Variants in MAP2K6 observed in about 807,000 individuals in gnomAD.
MAP2K6 encodes the protein mitogen-activated protein kinase kinase 6, also known as dual specificity mitogen-activated protein kinase kinase 6.
In MAP2K6, 16 loss-of-function variants were observed where a neutral mutation model predicts 53.7. The observed-to-expected ratio is 0.30, with a 90% CI of 0.20 to 0.45. The LOEUF (loss-of-function observed/expected upper bound fraction) is 0.45. Among genes scored for constraint, MAP2K6 ranks in the 20% least tolerant of loss-of-function variants. The pLI, the probability that MAP2K6 is intolerant of heterozygous loss-of-function variation, is 1.00. For missense variants in MAP2K6, 204 were observed against 411.9 expected (o/e 0.50, Z 4.37); for synonymous variants, 132 against 143.1 (o/e 0.92, Z 0.55).
At chr17:69,473,722 G>A (rs1028635410) in intron 1 of MAP2K6, among the ~76,000 whole-genome samples, 1 of 152,176 alleles carries the variant, frequency 6.6e-6, no homozygotes, top group Non-Finnish European at 1.5e-5. Context: ...GGCAGTTAAT[G>A]TACATCAATG....
At chr17:69,521,969 C>T (rs1433399167) in intron 7 of MAP2K6, 2 of 152,044 alleles carry the variant, frequency 1.3e-5, no homozygotes, top group South Asian at 2.1e-4. Flanking sequence ...GGTGAAACCC[C>T]GTGTCTACTG....
At chr17:69,418,448 A>G (rs1193584604) in intron 1 of MAP2K6, among the ~76,000 whole-genome samples, 1 of 152,232 alleles carries the variant, frequency 6.6e-6, no homozygotes, top group Non-Finnish European at 1.5e-5. Flanking sequence ...ACCCTTGTTC[A>G]TTATAGAAAC....
chr17:69,466,448 T>C (rs1598275978), intron 1 of MAP2K6, among the ~76,000 whole-genome samples: 2 of 152,350 alleles, frequency 1.3e-5, no homozygotes, highest in South Asian at 4.1e-4. Flanking sequence ...TTTTTACTTT[T>C]ACTATGATCT....
chr17:69,414,919 T>C lies in MAP2K6; in HGVS notation c.-66T>C. On this transcript the variant is annotated 5_prime_UTR_variant, in exon 1 of 12. It removes the in-frame stop codon of an upstream open reading frame in the 5' UTR. Coordinates refer to ENST00000590474, the MANE Select transcript of MAP2K6 (RefSeq NM_002758.4). ...GCAGCTTGCATCTTTGTTGCAAAAC[T>C]AGCTACAGAAGAGAAGCAAGGCAAA... 1 of 1,456,180 alleles carries C rather than the reference T, an allele frequency of 6.9e-7. No individual in the cohort carries two copies. The highest frequency in any genetic ancestry group is 9.6e-7 in the Non-Finnish European group (1 of 1,042,606). The allele number at this position is 1,456,180 out of a possible 1,614,324, so 90.2% of individuals were successfully genotyped here. A position where few individuals can be genotyped will look rare whatever the true frequency, so the allele number is the denominator to read the frequency against.
intron 1 of MAP2K6, among the ~76,000 whole-genome samples, chr17:69,455,032 A>AT (rs1325715753): frequency 3.8e-5 from 2 of 52,214 alleles, no homozygotes; most frequent in African/African-American, 9.1e-5. Context: ...TCTTACTATT[A>AT]TTATTTTTTT....
chr17:69,516,790 GA>G, intron 2 of MAP2K6, 64 bp from the exon 3 acceptor site: 1 of 1,211,010 alleles, frequency 8.3e-7, no homozygotes. Flanking sequence ...AGTGGTGTGT[GA>G]TTTGGGAAGG....
chr17:69,546,753 A>G lies in MAP2K6; in HGVS notation c.*5000A>G, dbSNP rs1442442096. 6.6e-6 allele frequency: 1 copy of G among 152,104 alleles called. No homozygotes were observed. Among genetic ancestry groups the G allele is most frequent in the Admixed American group, 6.6e-5 (1 of 15,262 alleles). 9.4% of individuals were successfully genotyped at this position (152,104 alleles called of 1,614,324 possible). A position where few individuals can be genotyped will look rare whatever the true frequency, so the allele number is the denominator to read the frequency against. ...TGGGATTTTGCCTTAACATCTATCTATGACTTGAAGAGGGATTTGTTGGCT... is the reference window on the plus strand; with the variant it reads ...TGGGATTTTGCCTTAACATCTATCTGTGACTTGAAGAGGGATTTGTTGGCT... On this transcript the variant is annotated 3_prime_UTR_variant, in exon 12 of 12. Transcript: ENST00000590474.
intron 10 of MAP2K6, among the ~76,000 whole-genome samples, chr17:69,527,567 T>G (rs556533255): frequency 3.1e-4 from 47 of 152,270 alleles, no homozygotes; most frequent in African/African-American, 1.1e-3. Flanking sequence ...TCATGGCAAG[T>G]GATGCTGGAA....
chr17:69,458,244 G>T (rs980721419), intron 1 of MAP2K6, among the ~76,000 whole-genome samples: 2 of 152,006 alleles, frequency 1.3e-5, no homozygotes, highest in South Asian at 4.1e-4. Flanking sequence ...GTAGAGATGG[G>T]GTTTCACCAT....
chr17:69,433,474 A>G (rs1055781362), intron 1 of MAP2K6: 1 of 152,116 alleles, frequency 6.6e-6, no homozygotes, highest in African/African-American at 2.4e-5. Context: ...GGAAATCAGG[A>G]CCTCTGTTTA....
intron 1 of MAP2K6, among the ~76,000 whole-genome samples, 156 bp downstream of exon 1, chr17:69,415,156 G>T (rs1905857718): frequency 6.6e-6 from 1 of 152,006 alleles, no homozygotes; most frequent in Non-Finnish European, 1.5e-5. Context: ...TTTTTTTGCA[G>T]ACACAGAGAG....
At chr17:69,485,731 C>G (rs979428836) in intron 1 of MAP2K6, among the ~76,000 whole-genome samples, 1 of 152,174 alleles carries the variant, frequency 6.6e-6, no homozygotes, top group East Asian at 1.9e-4. Context: ...CTGAGGCTAC[C>G]TGTCTCCTGT....
intron 1 of MAP2K6, among the ~76,000 whole-genome samples, chr17:69,415,478 G>T (rs1905869668): frequency 6.6e-6 from 1 of 152,200 alleles, no homozygotes; most frequent in Non-Finnish European, 1.5e-5. Context: ...CCGTTGCGGT[G>T]CCAGTATTTA....
intron 10 of MAP2K6, among the ~76,000 whole-genome samples, chr17:69,535,429 C>T (rs1911305550): frequency 6.6e-6 from 1 of 151,828 alleles, no homozygotes; most frequent in Non-Finnish European, 1.5e-5. Context: ...CCTGCCTCTA[C>T]AAGATACAAA....
chr17:69,498,333 T>A (rs1909023666), intron 1 of MAP2K6, among the ~76,000 whole-genome samples: 1 of 152,174 alleles, frequency 6.6e-6, no homozygotes, highest in Non-Finnish European at 1.5e-5. Context: ...CATAGACATG[T>A]GGTAGACAAG....
intron 11 of MAP2K6, among the ~76,000 whole-genome samples, chr17:69,538,417 C>T (rs182705838): frequency 2.1e-4 from 32 of 152,290 alleles, no homozygotes; most frequent in African/African-American, 7.7e-4. Flanking sequence ...CCCTTTTCTT[C>T]TTACAGCATT....
At chr17:69,458,879 T>C (rs116382470) in intron 1 of MAP2K6, among the ~76,000 whole-genome samples, 1 of 152,330 alleles carries the variant, frequency 6.6e-6, no homozygotes, top group African/African-American at 2.4e-5. Flanking sequence ...CCACCAAAAC[T>C]CTTCTCTCAA....
At chr17:69,528,718 GT>G (rs1222737948) in intron 10 of MAP2K6, among the ~76,000 whole-genome samples, 1 of 151,836 alleles carries the variant, frequency 6.6e-6, no homozygotes, top group East Asian at 1.9e-4. Flanking sequence ...AATTAGCCAA[GT>G]GTGGTAGCAC....
chr17:69,514,847 C>G (rs1470485708), intron 2 of MAP2K6, among the ~76,000 whole-genome samples: 1 of 152,172 alleles, frequency 6.6e-6, no homozygotes, highest in African/African-American at 2.4e-5. Context: ...CAGGCGTGAG[C>G]CACTGCGCCT....
Sources: gnomAD v4.1 joint callset for allele counts (sites outside exome capture counted in the v4.1 genomes callset) on GRCh38, gnomAD v4.1.1 for gene constraint, MANE v1.5 for transcripts, NCBI Gene and HGNC (gene_info 2026-07-23, HGNC 2026-07-21) for gene names.